Variants in AHSA1 observed in about 807,000 individuals in gnomAD.
AHSA1 encodes the protein activator of 90 kDa heat shock protein ATPase homolog 1.
In AHSA1, 14 loss-of-function variants were observed where a neutral mutation model predicts 46.1. That is an observed-to-expected ratio of 0.30 (90% CI 0.20 to 0.47). The LOEUF (loss-of-function observed/expected upper bound fraction) is 0.47. AHSA1 is among the 20% of genes least tolerant of loss of function. AHSA1 has a pLI of 0.99. For synonymous variants in AHSA1, 147 were observed against 145.8 expected (o/e 1.01, Z -0.06); for missense variants, 333 against 415.9 (o/e 0.80, Z 1.73).
intron 2 of AHSA1, chr14:77,460,205 C>T (rs917049133): frequency 5.3e-5 from 12 of 225,688 alleles, no homozygotes; most frequent in African/African-American, 1.6e-4. Flanking sequence ...TAAACCACTG[C>T]GCTAATGAAG....
At chr14:77,462,099 C>G (rs1321773931) in intron 2 of AHSA1, 61 bp from the exon 3 acceptor site, 2 of 1,312,030 alleles carry the variant, frequency 1.5e-6, no homozygotes, top group African/African-American at 2.9e-5. Flanking sequence ...CAGTTAGGAC[C>G]CTGGAGCAGA....
chr14:77,459,882 TGAG>T (rs1368953984), intron 2 of AHSA1, 76 bp downstream of exon 2: 1 of 1,539,194 alleles, frequency 6.5e-7, no homozygotes, highest in Non-Finnish European at 9.0e-7. Context: ...AGAACAGTTT[TGAG>T]GAGTTACAGA....
chr14:77,462,832 C>T (rs949008396), intron 4 of AHSA1, 73 bp downstream of exon 4: 31 of 1,308,544 alleles, frequency 2.4e-5, no homozygotes, highest in Non-Finnish European at 3.3e-5. Context: ...AGGGCCTGGA[C>T]AGTCCTTTCT....
chr14:77,465,463 C>G (rs2079043816), intron 5 of AHSA1, 76 bp from the exon 6 acceptor site: 2 of 1,518,068 alleles, frequency 1.3e-6, no homozygotes, highest in African/African-American at 1.4e-5. Flanking sequence ...ATGAATGGTA[C>G]AACTGTCTCT....
intron 4 of AHSA1, 32 bp downstream of exon 4, chr14:77,462,791 G>T (rs771455797): frequency 1.3e-6 from 2 of 1,583,348 alleles, no homozygotes; most frequent in East Asian, 2.2e-5. Context: ...ATGCCTTAAG[G>T]AGGTAGTTTC....
intron 2 of AHSA1, among the ~76,000 whole-genome samples, chr14:77,460,973 C>T (rs2079020561): frequency 6.6e-6 from 1 of 150,702 alleles, no homozygotes; most frequent in African/African-American, 2.4e-5. Flanking sequence ...TCCTGGCTGA[C>T]ACAGTGAAAC....
intron 7 of AHSA1, 117 bp downstream of exon 7, chr14:77,468,301 A>C: frequency 8.9e-7 from 1 of 1,122,738 alleles, no homozygotes; most frequent in Non-Finnish European, 1.3e-6. Flanking sequence ...TTAATAAAAC[A>C]TTTTGTTTTT....
At chr14:77,465,226 T>A (rs1240868505) in intron 5 of AHSA1, among the ~76,000 whole-genome samples, 2 of 152,232 alleles carry the variant, frequency 1.3e-5, no homozygotes, top group Non-Finnish European at 2.9e-5. Context: ...CGCTTCCAGC[T>A]ATTTAAACAT....
chr14:77,468,979 A>G, intron 8 of AHSA1, 98 bp from the exon 9 acceptor site: 2 of 1,399,812 alleles, frequency 1.4e-6, no homozygotes, highest in Non-Finnish European at 2.0e-6. Flanking sequence ...AAGTGCTGGG[A>G]TTACAGGTGT....
chr14:77,464,726 A>G, intron 5 of AHSA1, 40 bp downstream of exon 5: 1 of 1,554,548 alleles, frequency 6.4e-7, no homozygotes, highest in Non-Finnish European at 8.8e-7. Context: ...TCTGCAAAGG[A>G]ACTTGAGAGA....
At chr14:77,460,858 G>T (rs1445145576) in intron 2 of AHSA1, among the ~76,000 whole-genome samples, 2 of 151,944 alleles carry the variant, frequency 1.3e-5, no homozygotes, top group Non-Finnish European at 2.9e-5. Context: ...ACATTAAATG[G>T]TAAGAAATAG....
chr14:77,466,038 G>T (rs1233799640), intron 6 of AHSA1, among the ~76,000 whole-genome samples: 1 of 152,134 alleles, frequency 6.6e-6, no homozygotes, highest in Non-Finnish European at 1.5e-5. Flanking sequence ...ATATTTTTTA[G>T]TAGAGATGGG....
Position 77,468,306 on chromosome 14 carries a change from GT to G in AHSA1, c.792+127del, listed in dbSNP as rs201382710. 1.4e-3 allele frequency: 1,604 copies of G among 1,132,790 alleles called. 18 individuals are homozygous for G. In the African/African-American group the frequency reaches 0.023, roughly 16 times the overall value. The allele number at this position is 1,132,790 out of a possible 1,614,324, so 70.2% of individuals were successfully genotyped here. A position where few individuals can be genotyped will look rare whatever the true frequency, so the allele number is the denominator to read the frequency against. ...AATCTCTTTGTTAATAAAACATTTT[GT>G]TTTTCAAAAAAAGGCTGTGATTTGA... On this transcript the variant is annotated intron_variant, in intron 7 of 8. Coordinates refer to ENST00000216479, the MANE Select transcript of AHSA1 (RefSeq NM_012111.3).
chr14:77,465,282 T>C (rs982809759), intron 5 of AHSA1, among the ~76,000 whole-genome samples: 5 of 152,232 alleles, frequency 3.3e-5, no homozygotes, highest in South Asian at 2.1e-4. Context: ...AATATCTCAA[T>C]GATTTGATTT....
chr14:77,461,697 T>C (rs1158890224), intron 2 of AHSA1, among the ~76,000 whole-genome samples: 2 of 152,182 alleles, frequency 1.3e-5, no homozygotes, highest in African/African-American at 4.8e-5. Context: ...GTTTGAGATG[T>C]GTGTGTTTTA....
chr14:77,462,985 A>G (rs12897689), intron 4 of AHSA1: 322,167 of 448,394 alleles, frequency 0.72, 118,293 homozygotes, highest in East Asian at 0.97. Context: ...ACCAAACTGA[A>G]ATGTACTGTG....
intron 1 of AHSA1, among the ~76,000 whole-genome samples, chr14:77,458,803 G>T (rs2079003118): frequency 6.6e-6 from 1 of 152,230 alleles, no homozygotes; most frequent in South Asian, 2.1e-4. Context: ...GGTCGGGTGT[G>T]TTGGAACTCC....
intron 2 of AHSA1, among the ~76,000 whole-genome samples, chr14:77,460,487 C>T (rs923171456): frequency 6.6e-6 from 1 of 150,888 alleles, no homozygotes; most frequent in Non-Finnish European, 1.5e-5. Flanking sequence ...TCTATCTGTC[C>T]ATGATTTTTG....
Position 77,469,198 on chromosome 14 carries a change from C to T in AHSA1, c.966C>T (p.Tyr322=), listed in dbSNP as rs752784351. 5 of 1,613,992 alleles carry T rather than the reference C, an allele frequency of 3.1e-6. No homozygotes were observed. Among genetic ancestry groups the T allele is most frequent in the Non-Finnish European group, 3.4e-6 (4 of 1,179,982 alleles). ...EERTRQGWQR[Y]YFEGIKQTFG... ...GGACGCGACAGGGCTGGCAGCGGTACTACTTTGAGGGCATTAAACAGACCT... is the reference window on the plus strand; with the variant it reads ...GGACGCGACAGGGCTGGCAGCGGTATTACTTTGAGGGCATTAAACAGACCT... Residue 322 remains tyrosine (Y), a synonymous_variant, in exon 9 of 9, where the codon TAC becomes TAT. Transcript: ENST00000216479.
Sources: allele counts gnomAD v4.1 joint callset (sites outside exome capture counted in the v4.1 genomes callset), GRCh38; gene constraint gnomAD v4.1.1; transcripts MANE v1.5; gene names NCBI Gene and HGNC (gene_info 2026-07-23, HGNC 2026-07-21).